The following SLC17A1 variants were observed in gnomAD, a reference collection of about 807,000 sequenced individuals.
SLC17A1 encodes the protein sodium-dependent phosphate transport protein 1.
SLC17A1 carries 51 observed loss-of-function variants against 53.5 expected under a neutral mutation model. That is an observed-to-expected ratio of 0.95 (90% CI 0.76 to 1.20). The LOEUF (loss-of-function observed/expected upper bound fraction) is 1.20. Among genes scored for constraint, SLC17A1 ranks in the 50% most tolerant of loss-of-function variants. SLC17A1 has a pLI of 0.00. For missense variants in SLC17A1, 538 were observed against 568.2 expected (o/e 0.95, Z 0.54); for synonymous variants, 179 against 198.8 (o/e 0.90, Z 0.84).
At chr6:25,806,489 C>T (rs1242916124) in intron 10 of SLC17A1, among the ~76,000 whole-genome samples, 1 of 152,116 alleles carries the variant, frequency 6.6e-6, no homozygotes, top group South Asian at 2.1e-4. Context: ...CCCACTTTCA[C>T]CACTTCTGGT....
downstream of SLC17A1, chr6:25,779,314 AT>A: frequency 1.5e-6 from 2 of 1,338,378 alleles, no homozygotes; most frequent in Non-Finnish European, 1.0e-6. Context: ...AACGCTAAAG[AT>A]TTTACCATGC....
At chr6:25,787,088 T>C (rs961196484) in intron 12 of SLC17A1, among the ~76,000 whole-genome samples, 6 of 148,194 alleles carry the variant, frequency 4.0e-5, no homozygotes, top group Non-Finnish European at 9.0e-5. Context: ...GTGTGGGGTA[T>C]AGTGGGGGTG....
the SLC17A1 span, chr6:25,777,560 G>A: frequency 8.1e-6 from 1 of 122,736 alleles, no homozygotes; most frequent in Non-Finnish European, 1.6e-5. Flanking sequence ...AACAGCAGAA[G>A]CCAAAACAAC....
At chr6:25,778,713 G>A (rs1763142374), downstream of SLC17A1, among the ~76,000 whole-genome samples, 2 of 152,202 alleles carry the variant, frequency 1.3e-5, no homozygotes, top group African/African-American at 4.8e-5. Flanking sequence ...CAAATGCTAA[G>A]AGGAGAATAA....
chr6:25,781,281 G>C (rs1763263650), downstream of SLC17A1: 2 of 151,406 alleles, frequency 1.3e-5, no homozygotes. Flanking sequence ...AAGAAAGAAA[G>C]AAAGAAAAAG....
the SLC17A1 span, chr6:25,762,162 T>A: frequency 1.2e-6 from 1 of 852,230 alleles, no homozygotes; most frequent in South Asian, 1.8e-5. Context: ...TTGATACACA[T>A]CATTTTCCTT....
the SLC17A1 span, among the ~76,000 whole-genome samples, chr6:25,744,250 A>T: frequency 1.3e-5 from 2 of 152,216 alleles, no homozygotes; most frequent in African/African-American, 4.8e-5. Flanking sequence ...TACAGGAGTG[A>T]AATGGTCAGA....
the SLC17A1 span, among the ~76,000 whole-genome samples, chr6:25,768,708 TC>T: frequency 3.3e-5 from 5 of 152,148 alleles, no homozygotes; most frequent in Non-Finnish European, 7.3e-5. Flanking sequence ...CCTATTCTAA[TC>T]TTCTCATCCC....
the SLC17A1 span, among the ~76,000 whole-genome samples, chr6:25,755,048 T>TACACAC: frequency 0.017 from 2,528 of 145,028 alleles, 54 homozygotes; most frequent in African/African-American, 0.052. Flanking sequence ...CACACACACA[T>TACACAC]ACACACACAC....
chr6:25,732,173 C>CTGTGAACTTGGAAGATA, the SLC17A1 span: 1 of 416,098 alleles, frequency 2.4e-6, no homozygotes, highest in Non-Finnish European at 4.3e-6. Flanking sequence ...GTTTATCTTC[C>CTGTGAACTTGGAAGATA]AAGTTCACAG....
intron 12 of SLC17A1, among the ~76,000 whole-genome samples, chr6:25,791,105 C>T (rs527936762): frequency 3.2e-4 from 48 of 152,210 alleles, no homozygotes; most frequent in Non-Finnish European, 6.2e-4. Context: ...CCAAGTTCAG[C>T]AATGGAAGTC....
the SLC17A1 span, among the ~76,000 whole-genome samples, chr6:25,753,347 C>T: frequency 6.6e-6 from 1 of 152,192 alleles, no homozygotes; most frequent in African/African-American, 2.4e-5. Flanking sequence ...GTTGGAGCAC[C>T]TTCAGGAAGG....
chr6:25,791,893 A>G (rs1162934517), intron 12 of SLC17A1, among the ~76,000 whole-genome samples: 3 of 152,204 alleles, frequency 2.0e-5, no homozygotes, highest in Non-Finnish European at 2.9e-5. Context: ...ATTTCCTACT[A>G]CTTACGTGGC....
At chr6:25,763,266 C>A in the SLC17A1 span, among the ~76,000 whole-genome samples, 1 of 152,126 alleles carries the variant, frequency 6.6e-6, no homozygotes. Context: ...CCCACTTTAC[C>A]CTGGCCTGTT....
chr6:25,729,328 G>A, the SLC17A1 span, among the ~76,000 whole-genome samples: 1 of 152,182 alleles, frequency 6.6e-6, no homozygotes, highest in Non-Finnish European at 1.5e-5. Context: ...TCACAGCCCT[G>A]GCTCCACTAC....
At chr6:25,727,233 G>T in the SLC17A1 span, 1 of 1,613,690 alleles carries the variant, frequency 6.2e-7, no homozygotes, top group Non-Finnish European at 8.5e-7. Flanking sequence ...GGGAGAGCTG[G>T]CTAAACATGC....
At chr6:25,767,698 T>G in the SLC17A1 span, among the ~76,000 whole-genome samples, 1 of 152,212 alleles carries the variant, frequency 6.6e-6, no homozygotes, top group Admixed American at 6.5e-5. Flanking sequence ...GCAGTCTCAG[T>G]AAATGCAAAT....
At chr6:25,771,054 T>TC in the SLC17A1 span, 6 of 1,450,422 alleles carry the variant, frequency 4.1e-6, no homozygotes, top group Non-Finnish European at 5.8e-6. Flanking sequence ...TGACAGAGAC[T>TC]TCTGTGATGC....
chr6:25,821,102 T>C (rs1462790461), intron 3 of SLC17A1, among the ~76,000 whole-genome samples: 1 of 152,122 alleles, frequency 6.6e-6, no homozygotes. Flanking sequence ...ACTTGCATAA[T>C]TAGGAGGAAC....
Sources: gnomAD v4.1 joint callset for allele counts (sites outside exome capture counted in the v4.1 genomes callset) on GRCh38, gnomAD v4.1.1 for gene constraint, MANE v1.5 for transcripts, NCBI Gene and HGNC (gene_info 2026-07-23, HGNC 2026-07-21) for gene names.